Variants in LHFPL6 observed in about 807,000 individuals in gnomAD.
LHFPL6 encodes LHFPL tetraspan subfamily member 6.
A neutral mutation model predicts 20.6 loss-of-function variants in LHFPL6; 9 were observed. That is an observed-to-expected ratio of 0.44 (90% confidence interval 0.26 to 0.76). The LOEUF (loss-of-function observed/expected upper bound fraction) is 0.76, where lower values mean the gene tolerates loss of function less well. Among genes scored for constraint, LHFPL6 ranks in the 30% least tolerant of loss-of-function variants. The pLI, the probability that LHFPL6 is intolerant of heterozygous loss-of-function variation, is 0.20. For synonymous variants in LHFPL6, 105 were observed against 98.7 expected, an observed-to-expected ratio of 1.06 and a Z score of -0.38; for missense variants, 218 against 253.5, an observed-to-expected ratio of 0.86 and a Z score of 0.95.
At chr13:39,502,417 G>A (rs1267497367) in intron 2 of LHFPL6, among the ~76,000 whole-genome samples, 2 of 151,458 alleles carry the variant, frequency 1.3e-5, no homozygotes, top group South Asian at 2.1e-4. Context: ...CCAGGAGTTC[G>A]AGACCAGCCT....
chr13:39,538,935 G>A (rs919829378), intron 2 of LHFPL6, among the ~76,000 whole-genome samples: 1 of 152,140 alleles, frequency 6.6e-6, no homozygotes, highest in Non-Finnish European at 1.5e-5. Flanking sequence ...TAGGGTAAGA[G>A]TAAATATTTT....
At chr13:39,554,593 C>T (rs1385390543) in intron 2 of LHFPL6, among the ~76,000 whole-genome samples, 1 of 152,176 alleles carries the variant, frequency 6.6e-6, no homozygotes, top group Non-Finnish European at 1.5e-5. Flanking sequence ...AGAATCAATG[C>T]CCAAACAGAC....
At chr13:39,365,904 T>C (rs1033861567) in intron 3 of LHFPL6, among the ~76,000 whole-genome samples, 9 of 152,162 alleles carry the variant, frequency 5.9e-5, no homozygotes, top group Admixed American at 3.3e-4. Context: ...AGGGCACAGA[T>C]GGAATGCATC....
intron 2 of LHFPL6, among the ~76,000 whole-genome samples, chr13:39,427,180 T>A (rs1593308990): frequency 6.6e-6 from 1 of 151,700 alleles, no homozygotes; most frequent in African/African-American, 2.4e-5. Context: ...TTCAAGAAGC[T>A]TCTTTGAGGA....
chr13:39,410,764 G>A (rs552153275), intron 2 of LHFPL6, among the ~76,000 whole-genome samples: 1 of 152,236 alleles, frequency 6.6e-6, no homozygotes, highest in South Asian at 2.1e-4. Flanking sequence ...GTGGCTTCAG[G>A]ATGCTTTTCA....
intron 2 of LHFPL6, among the ~76,000 whole-genome samples, chr13:39,437,316 T>C (rs1924314): frequency 0.26 from 39,000 of 152,064 alleles, 5,452 homozygotes; most frequent in East Asian, 0.49. Context: ...GGGCAGTTTC[T>C]CATAAATGGT....
At chr13:39,469,434 T>C (rs893279356) in intron 2 of LHFPL6, among the ~76,000 whole-genome samples, 3 of 152,188 alleles carry the variant, frequency 2.0e-5, no homozygotes, top group African/African-American at 7.2e-5. Context: ...TCTTTCTTCA[T>C]GGCATTACAC....
chr13:39,475,844 C>T (rs1018149798), intron 2 of LHFPL6, among the ~76,000 whole-genome samples: 9 of 152,102 alleles, frequency 5.9e-5, no homozygotes, highest in South Asian at 2.1e-4. Flanking sequence ...CCCTCCCCAC[C>T]GTAGAGAAAG....
chr13:39,429,096 A>C (rs1871721607), intron 2 of LHFPL6, among the ~76,000 whole-genome samples: 1 of 152,088 alleles, frequency 6.6e-6, no homozygotes, highest in Non-Finnish European at 1.5e-5. Flanking sequence ...ACTTGAAAAA[A>C]TGTGTATTCT....
Position 39,547,764 on chromosome 13 carries a change from C to A in LHFPL6, c.385+53068G>T, listed in dbSNP as rs146637337. On this transcript the variant is annotated intron_variant, in intron 2 of 3. Transcript: ENST00000379589. Reference sequence around the variant, plus strand: ...CTTTAAAAAATTTATTCCTTTTTTTCATATTGTAAGGAATGATTTTCCTTA... The same window carrying A: ...CTTTAAAAAATTTATTCCTTTTTTTAATATTGTAAGGAATGATTTTCCTTA... 7.2e-5 allele frequency among the ~76,000 whole-genome samples: 11 copies of A among 151,964 alleles called. No individual in the cohort carries two copies. The East Asian group carries it at 2.1e-3, about 29-fold the overall frequency.
At chr13:39,480,480 G>T (rs1471261458) in intron 2 of LHFPL6, among the ~76,000 whole-genome samples, 1 of 152,158 alleles carries the variant, frequency 6.6e-6, no homozygotes, top group African/African-American at 2.4e-5. Flanking sequence ...ATTGTAAGAA[G>T]GAGATACCAA....
chr13:39,499,897 G>A (rs766381885), intron 2 of LHFPL6, among the ~76,000 whole-genome samples: 12 of 152,208 alleles, frequency 7.9e-5, no homozygotes, highest in Non-Finnish European at 1.2e-4. Flanking sequence ...GGTCATGCCT[G>A]ACACAATCAC....
chr13:39,433,156 A>C (rs1252623087), intron 2 of LHFPL6, among the ~76,000 whole-genome samples: 1 of 152,196 alleles, frequency 6.6e-6, no homozygotes, highest in Non-Finnish European at 1.5e-5. Context: ...AATTGTTATA[A>C]GGCTCTGATA....
At chr13:39,444,345 T>C (rs1476661985) in intron 2 of LHFPL6, among the ~76,000 whole-genome samples, 1 of 152,190 alleles carries the variant, frequency 6.6e-6, no homozygotes, top group Non-Finnish European at 1.5e-5. Context: ...AAAAAGTTTG[T>C]TCAGCAGAGA....
chr13:39,370,289 T>C (rs1398041791), intron 3 of LHFPL6, among the ~76,000 whole-genome samples: 3 of 152,212 alleles, frequency 2.0e-5, no homozygotes, highest in African/African-American at 7.2e-5. Context: ...TGGGTCTTTG[T>C]TGAATTCACA....
intron 2 of LHFPL6, among the ~76,000 whole-genome samples, chr13:39,391,700 C>T (rs900615832): frequency 6.6e-6 from 1 of 151,828 alleles, no homozygotes; most frequent in Non-Finnish European, 1.5e-5. Context: ...AGAATATGAA[C>T]GTATCATAAG....
In LHFPL6 at chr13:39,442,146, G is replaced by T. The variant is rs1183313889; in HGVS notation, c.386-63620C>A. 4.0e-5 allele frequency among the ~76,000 whole-genome samples: 6 copies of T among 151,798 alleles called. No homozygotes were observed. In the East Asian group the frequency reaches 1.2e-3, roughly 29 times the overall value. On this transcript the variant is annotated intron_variant, in intron 2 of 3. Transcript: ENST00000379589. ...CCCCAGCTGGCTAAAACTTCTTTAG[G>T]TGTCTCTACATATCAAATAGTCTTC...
intron 2 of LHFPL6, among the ~76,000 whole-genome samples, chr13:39,570,623 G>C (rs1050601616): frequency 2.0e-5 from 3 of 151,394 alleles, no homozygotes; most frequent in Admixed American, 2.0e-4. Context: ...GATAATCAAA[G>C]AACTAAGTAA....
intron 2 of LHFPL6, among the ~76,000 whole-genome samples, chr13:39,541,438 G>A (rs1419932411): frequency 2.0e-5 from 3 of 152,184 alleles, no homozygotes; most frequent in African/African-American, 4.8e-5. Context: ...CATTGATGAT[G>A]CAGCCAGGCA....
Sources: allele counts gnomAD v4.1 joint callset (sites outside exome capture counted in the v4.1 genomes callset), GRCh38; gene constraint gnomAD v4.1.1; transcripts MANE v1.5; gene names NCBI Gene and HGNC (gene_info 2026-07-23, HGNC 2026-07-21).